The following FOXJ3 variants were observed in gnomAD, a reference collection of about 807,000 sequenced individuals.
FOXJ3 encodes forkhead box protein J3.
FOXJ3 carries 22 observed loss-of-function variants against 76.1 expected under a neutral mutation model. The ratio of observed to expected loss-of-function variants is 0.29; its 90% CI spans 0.21 to 0.41. The LOEUF (loss-of-function observed/expected upper bound fraction) is 0.41, where lower values mean the gene tolerates loss of function less well. FOXJ3 is among the 10% of genes least tolerant of loss of function. FOXJ3 has a pLI of 1.00. For missense variants in FOXJ3, 613 were observed against 762.1 expected (o/e 0.80, Z 2.30); for synonymous variants, 269 against 261.2 (o/e 1.03, Z -0.29).
At chr1:42,315,478 A>T in intron 1 of FOXJ3, 1 of 803,674 alleles carries the variant, frequency 1.2e-6, no homozygotes, top group Non-Finnish European at 1.5e-6. Flanking sequence ...CAACACCCTT[A>T]GTACCTCCAA....
At chr1:42,322,854 A>G (rs1357492530) in intron 1 of FOXJ3, among the ~76,000 whole-genome samples, 2 of 152,196 alleles carry the variant, frequency 1.3e-5, no homozygotes, top group Non-Finnish European at 2.9e-5. Context: ...TTAGAAGAAC[A>G]GTATCCAGAA....
At chr1:42,252,176 T>G (rs1650142524) in intron 4 of FOXJ3, among the ~76,000 whole-genome samples, 1 of 152,152 alleles carries the variant, frequency 6.6e-6, no homozygotes, top group African/African-American at 2.4e-5. Context: ...TCCTATTGAT[T>G]GGAATAGTTT....
chr1:42,241,512 G>A (rs1353215843), intron 4 of FOXJ3, among the ~76,000 whole-genome samples: 1 of 152,190 alleles, frequency 6.6e-6, no homozygotes, highest in Non-Finnish European at 1.5e-5. Context: ...TAGGGGACCA[G>A]GGATTGCCCC....
At chr1:42,250,420 G>T (rs890803142) in intron 4 of FOXJ3, among the ~76,000 whole-genome samples, 1 of 152,036 alleles carries the variant, frequency 6.6e-6, no homozygotes, top group Non-Finnish European at 1.5e-5. Flanking sequence ...TCATGTCCAG[G>T]AACTATTAAA....
At chr1:42,184,798 G>A (rs192464290) in intron 11 of FOXJ3, among the ~76,000 whole-genome samples, 19 of 152,104 alleles carry the variant, frequency 1.2e-4, no homozygotes, top group African/African-American at 4.1e-4. Context: ...GAAAAACAAC[G>A]GAACAAGATG....
intron 4 of FOXJ3, among the ~76,000 whole-genome samples, chr1:42,257,128 G>A (rs1650655639): frequency 1.3e-5 from 2 of 152,184 alleles, no homozygotes; most frequent in Non-Finnish European, 2.9e-5. Context: ...ATATACAGAT[G>A]CAGATATTAA....
At chr1:42,182,337 T>A (rs374451454) in intron 11 of FOXJ3, among the ~76,000 whole-genome samples, 1 of 152,168 alleles carries the variant, frequency 6.6e-6, no homozygotes, top group Non-Finnish European at 1.5e-5. Context: ...TTTGTATCCA[T>A]TACTTCATCT....
chr1:42,197,285 T>C (rs1241853707), intron 7 of FOXJ3, among the ~76,000 whole-genome samples: 1 of 152,042 alleles, frequency 6.6e-6, no homozygotes, highest in Non-Finnish European at 1.5e-5. Context: ...GCAGGAGAAT[T>C]GCTTAAGCCA....
intron 4 of FOXJ3, among the ~76,000 whole-genome samples, chr1:42,230,627 G>A (rs1225386286): frequency 6.6e-6 from 1 of 152,156 alleles, no homozygotes; most frequent in Non-Finnish European, 1.5e-5. Context: ...TTTTCCACTA[G>A]TGGCATCATG....
intron 1 of FOXJ3, among the ~76,000 whole-genome samples, chr1:42,324,102 G>GTATATACACAGTGTATATATAC (rs1557725886): frequency 2.3e-4 from 11 of 48,406 alleles, no homozygotes; most frequent in Admixed American, 5.1e-4. Context: ...TATATATACT[G>GTATATACACAGTGTATATATAC]TGTATATACA....
chr1:42,316,333 C>CG lies in FOXJ3; in HGVS notation c.-17-5224_-17-5223insC, dbSNP rs1322633444. 4.5e-4 allele frequency among the ~76,000 whole-genome samples: 33 copies of CG among 73,914 alleles called. 1 individual carries two copies. Among genetic ancestry groups the CG allele is most frequent in the African/African-American group, 1.4e-3 (32 of 23,038 alleles). 48.5% of individuals were successfully genotyped at this position (73,914 alleles called of 152,430 possible). A position where few individuals can be genotyped will look rare whatever the true frequency, so the allele number is the denominator to read the frequency against. Reference sequence around the variant, plus strand: ...ACAGGTGCACACCACTGCATTGGGCCTTTTTTTTTTTTTTTTCTGTAGAAA... The same window carrying CG: ...ACAGGTGCACACCACTGCATTGGGCCGTTTTTTTTTTTTTTTTCTGTAGAAA... On this transcript the variant is annotated intron_variant, in intron 1 of 12. Transcript: ENST00000361346.
intron 2 of FOXJ3, among the ~76,000 whole-genome samples, chr1:42,305,735 G>A (rs1462331746): frequency 6.6e-6 from 1 of 152,192 alleles, no homozygotes; most frequent in African/African-American, 2.4e-5. Flanking sequence ...GGGTATCAGG[G>A]AGAGTGAGAA....
chr1:42,218,772 C>A (rs1462504000), intron 5 of FOXJ3, among the ~76,000 whole-genome samples: 1 of 152,136 alleles, frequency 6.6e-6, no homozygotes, highest in East Asian at 1.9e-4. Context: ...CTTACAAAGC[C>A]CTGCACAATT....
chr1:42,180,171 C>A (rs953913021), intron 12 of FOXJ3, among the ~76,000 whole-genome samples: 1 of 152,146 alleles, frequency 6.6e-6, no homozygotes, highest in Non-Finnish European at 1.5e-5. Context: ...TGCTCCAATA[C>A]GTTGTTTCAG....
chr1:42,209,142 A>C lies in FOXJ3; in HGVS notation c.529-3279T>G, dbSNP rs1646917919. Among the ~76,000 whole-genome samples, 3 of 152,244 alleles carry C rather than the reference A, an allele frequency of 2.0e-5. No homozygotes were observed. The South Asian group carries it at 6.2e-4, about 32-fold the overall frequency. ...GCTGACATGCTCTTATATAGACCAA[A>C]TCCTAAAGACTTCAACAAAAACAGA... On this transcript the variant is annotated intron_variant, in intron 5 of 12. Transcript: ENST00000361346.
chr1:42,199,704 C>A (rs1234953522), intron 6 of FOXJ3, among the ~76,000 whole-genome samples: 2 of 151,412 alleles, frequency 1.3e-5, no homozygotes, highest in Non-Finnish European at 2.9e-5. Flanking sequence ...CTGTTCAACA[C>A]ATTTATAAAA....
intron 2 of FOXJ3, among the ~76,000 whole-genome samples, chr1:42,299,900 T>G (rs771213658): frequency 6.6e-6 from 1 of 151,730 alleles, no homozygotes; most frequent in Non-Finnish European, 1.5e-5. Flanking sequence ...ACAGCAAGAC[T>G]CCATCTTAAA....
intron 5 of FOXJ3, among the ~76,000 whole-genome samples, chr1:42,219,401 T>C (rs1647134809): frequency 6.6e-6 from 1 of 152,184 alleles, no homozygotes; most frequent in South Asian, 2.1e-4. Context: ...TATGCCTGTT[T>C]AGGAAAAAAA....
chr1:42,232,052 G>C (rs1648190070), intron 4 of FOXJ3, among the ~76,000 whole-genome samples: 1 of 152,038 alleles, frequency 6.6e-6, no homozygotes, highest in Admixed American at 6.5e-5. Context: ...TGCGGTGTTT[G>C]GTTTTTTGTC....
Sources: gnomAD v4.1 joint callset for allele counts (sites outside exome capture counted in the v4.1 genomes callset) on GRCh38, gnomAD v4.1.1 for gene constraint, MANE v1.5 for transcripts, NCBI Gene and HGNC (gene_info 2026-07-23, HGNC 2026-07-21) for gene names.